Variants in PPTC7 observed in about 807,000 individuals in gnomAD.
PPTC7 encodes protein phosphatase targeting COQ7.
A neutral mutation model predicts 30.8 loss-of-function variants in PPTC7; 6 were observed. That is an observed-to-expected ratio of 0.19 (90% confidence interval 0.11 to 0.38). The LOEUF (loss-of-function observed/expected upper bound fraction) is 0.38, where lower values mean the gene tolerates loss of function less well. Ranked by LOEUF, PPTC7 falls within the 10% of genes least tolerant of loss-of-function variation. PPTC7 has a pLI of 1.00. For missense variants in PPTC7, 218 were observed against 404.8 expected, an observed-to-expected ratio of 0.54 and a Z score of 3.96; for synonymous variants, 163 against 168.1, an observed-to-expected ratio of 0.97 and a Z score of 0.23.
intron 1 of PPTC7, among the ~76,000 whole-genome samples, chr12:110,566,568 G>A (rs760417488): frequency 2.0e-5 from 3 of 152,130 alleles, no homozygotes; most frequent in Non-Finnish European, 2.9e-5. Context: ...CCAGTGCTCC[G>A]CTCACAGCCA....
intron 2 of PPTC7, among the ~76,000 whole-genome samples, chr12:110,547,615 A>G (rs1020538160): frequency 6.6e-6 from 1 of 152,210 alleles, no homozygotes; most frequent in African/African-American, 2.4e-5. Flanking sequence ...GTACACCAAA[A>G]AGAGTAAAGT....
intron 1 of PPTC7, among the ~76,000 whole-genome samples, chr12:110,573,333 A>G (rs2064555712): frequency 1.3e-5 from 2 of 152,200 alleles, no homozygotes; most frequent in African/African-American, 4.8e-5. Flanking sequence ...AACCTAAATA[A>G]CTACAAATAG....
chr12:110,556,103 G>A (rs1263905221), intron 1 of PPTC7, among the ~76,000 whole-genome samples: 1 of 152,100 alleles, frequency 6.6e-6, no homozygotes. Flanking sequence ...CTCGATCCTC[G>A]CACTCACTAA....
chr12:110,542,414 G>A (rs1024068440), intron 3 of PPTC7, among the ~76,000 whole-genome samples: 19 of 151,940 alleles, frequency 1.3e-4, no homozygotes. Flanking sequence ...GCTCACACCT[G>A]TAATCCCAGC....
chr12:110,570,157 C>T (rs1038669012), intron 1 of PPTC7, among the ~76,000 whole-genome samples: 2 of 150,610 alleles, frequency 1.3e-5, no homozygotes, highest in Non-Finnish European at 2.9e-5. Context: ...TTCTGTTAAT[C>T]TATAACCTTA....
chr12:110,548,712 C>G (rs1456205660), intron 2 of PPTC7, among the ~76,000 whole-genome samples: 1 of 152,214 alleles, frequency 6.6e-6, no homozygotes, highest in African/African-American at 2.4e-5. Flanking sequence ...TATATACTCA[C>G]TGACGAAGCC....
intron 1 of PPTC7, among the ~76,000 whole-genome samples, chr12:110,577,061 G>C (rs1215850849): frequency 1.3e-5 from 2 of 151,586 alleles, no homozygotes; most frequent in African/African-American, 4.9e-5. Context: ...CAGCTACTTG[G>C]GAGGCTGAGG....
At chr12:110,573,903 C>A (rs2064562097) in intron 1 of PPTC7, among the ~76,000 whole-genome samples, 1 of 151,922 alleles carries the variant, frequency 6.6e-6, no homozygotes, top group African/African-American at 2.4e-5. Flanking sequence ...ATCGCTTGAA[C>A]CCGGGAGGCG....
At chr12:110,556,667 G>C (rs2064389820) in intron 1 of PPTC7, among the ~76,000 whole-genome samples, 1 of 152,202 alleles carries the variant, frequency 6.6e-6, no homozygotes, top group African/African-American at 2.4e-5. Flanking sequence ...CAAAGGATAA[G>C]AATAAGAATA....
intron 1 of PPTC7, among the ~76,000 whole-genome samples, chr12:110,577,444 C>T (rs924382858): frequency 6.6e-6 from 1 of 152,018 alleles, no homozygotes; most frequent in African/African-American, 2.4e-5. Flanking sequence ...AAGGTGACTA[C>T]TTTTTTAAAA....
chr12:110,547,116 A>G (rs1297514196), intron 2 of PPTC7, among the ~76,000 whole-genome samples: 1 of 152,238 alleles, frequency 6.6e-6, no homozygotes, highest in Non-Finnish European at 1.5e-5. Context: ...AAATAATTAG[A>G]AGGGCAAACA....
chr12:110,558,309 T>C (rs2064405959), intron 1 of PPTC7, among the ~76,000 whole-genome samples: 1 of 152,134 alleles, frequency 6.6e-6, no homozygotes, highest in South Asian at 2.1e-4. Flanking sequence ...GGTATCCAGT[T>C]TGTCAGAATG....
chr12:110,556,932 G>A (rs1439602729), intron 1 of PPTC7, among the ~76,000 whole-genome samples: 1 of 152,126 alleles, frequency 6.6e-6, no homozygotes, highest in South Asian at 2.1e-4. Context: ...AGTGGCATTC[G>A]GATAGGCCCT....
intron 1 of PPTC7, among the ~76,000 whole-genome samples, chr12:110,555,589 G>A (rs2064380114): frequency 6.6e-6 from 1 of 152,210 alleles, no homozygotes. Context: ...TTAAGTAAGA[G>A]ATCCATTTCA....
intron 1 of PPTC7, among the ~76,000 whole-genome samples, chr12:110,566,671 G>A (rs1017615660): frequency 1.3e-5 from 2 of 152,158 alleles, no homozygotes; most frequent in Non-Finnish European, 2.9e-5. Flanking sequence ...AAAAAAAAGA[G>A]TCTTTGACCC....
At chr12:110,539,696 T>G (rs2064242264) in intron 4 of PPTC7, 126 bp downstream of exon 4, 2 of 880,890 alleles carry the variant, frequency 2.3e-6, no homozygotes, top group Non-Finnish European at 3.4e-6. Context: ...AGAGCTATTA[T>G]TATTTTCCTG....
chr12:110,542,858 G>A (rs999080118), intron 3 of PPTC7, among the ~76,000 whole-genome samples: 2 of 151,664 alleles, frequency 1.3e-5, no homozygotes, highest in African/African-American at 4.8e-5. Context: ...AATGCCTGAT[G>A]AAAACAGACA....
chr12:110,561,674 C>T lies in PPTC7; in HGVS notation c.224-9706G>A, dbSNP rs187213797. On this transcript the variant is annotated intron_variant, in intron 1 of 5. Coordinates refer to ENST00000354300, the MANE Select transcript of PPTC7 (RefSeq NM_139283.2). ...CTATTTGGGCACTTAAGAACGCTCCCGACGGGGTGCAGTGGCTCATGCCTG... is the reference window on the plus strand; with the variant it reads ...CTATTTGGGCACTTAAGAACGCTCCTGACGGGGTGCAGTGGCTCATGCCTG... Among the ~76,000 whole-genome samples, 150 of 152,108 alleles carry T rather than the reference C, an allele frequency of 9.9e-4. 4 individuals are homozygous for T. The East Asian group carries it at 0.012, about 13-fold the overall frequency.
intron 5 of PPTC7, 106 bp downstream of exon 5, chr12:110,538,038 G>A: frequency 8.2e-7 from 1 of 1,225,126 alleles, no homozygotes; most frequent in Non-Finnish European, 1.1e-6. Context: ...ACAGTTTGGG[G>A]GCTGGGAGAG....
Sources: gnomAD v4.1 joint callset for allele counts (sites outside exome capture counted in the v4.1 genomes callset) on GRCh38, gnomAD v4.1.1 for gene constraint, MANE v1.5 for transcripts, NCBI Gene and HGNC (gene_info 2026-07-23, HGNC 2026-07-21) for gene names.